Variants in PREX1 observed in about 807,000 individuals in gnomAD.
PREX1 encodes the protein phosphatidylinositol 3,4,5-trisphosphate-dependent Rac exchanger 1 protein.
A neutral mutation model predicts 198.3 loss-of-function variants in PREX1; 41 were observed. That is an observed-to-expected ratio of 0.21 (90% CI 0.16 to 0.27). The LOEUF (loss-of-function observed/expected upper bound fraction) is 0.27. Among genes scored for constraint, PREX1 ranks in the 10% least tolerant of loss-of-function variants. The pLI, the probability that PREX1 is intolerant of heterozygous loss-of-function variation, is 1.00. For synonymous variants in PREX1, 843 were observed against 887.2 expected (o/e 0.95, Z 0.89); for missense variants, 1,620 against 2,200.7 (o/e 0.74, Z 5.28).
At chr20:48,709,432 G>GTGACCT (rs1281650428) in intron 5 of PREX1, among the ~76,000 whole-genome samples, 1 of 152,226 alleles carries the variant, frequency 6.6e-6, no homozygotes, top group Non-Finnish European at 1.5e-5. Context: ...CACTGTCTGG[G>GTGACCT]TGACCTTGGG....
chr20:48,862,790 A>AAAAATATATATAT, the PREX1 span, among the ~76,000 whole-genome samples: 5 of 102,584 alleles, frequency 4.9e-5, no homozygotes, highest in African/African-American at 2.2e-4. Context: ...TAAAAAAAAA[A>AAAAATATATATAT]ATATATATAT....
chr20:48,649,677 G>A (rs543382316), intron 24 of PREX1, 101 bp from the exon 25 acceptor site: 108 of 1,344,962 alleles, frequency 8.0e-5, no homozygotes, highest in Admixed American at 5.2e-4. Flanking sequence ...CCCAATGAAG[G>A]AGAAAAATGT....
intron 11 of PREX1, among the ~76,000 whole-genome samples, chr20:48,680,053 CT>C (rs1472787282): frequency 6.6e-6 from 1 of 152,308 alleles, no homozygotes. Flanking sequence ...AGAAATGCCC[CT>C]GATCCAGCCT....
chr20:48,833,080 C>T, the PREX1 span, among the ~76,000 whole-genome samples: 133 of 152,312 alleles, frequency 8.7e-4, no homozygotes, highest in Non-Finnish European at 1.6e-3. Context: ...GCTTCAATAT[C>T]CATATCTGTA....
At chr20:48,653,246 C>T (rs1250478631) in intron 20 of PREX1, 115 bp downstream of exon 20, 1 of 1,469,530 alleles carries the variant, frequency 6.8e-7, no homozygotes, top group Non-Finnish European at 9.2e-7. Context: ...AGCAGCTCCA[C>T]CCTACTCACA....
At chr20:48,770,503 G>A (rs1277206025) in intron 1 of PREX1, among the ~76,000 whole-genome samples, 4 of 152,206 alleles carry the variant, frequency 2.6e-5, no homozygotes, top group Non-Finnish European at 5.9e-5. Context: ...CTGAGGTCAG[G>A]AGTTCGAGAC....
intron 15 of PREX1, among the ~76,000 whole-genome samples, chr20:48,664,243 C>T (rs184509997): frequency 2.0e-5 from 3 of 151,982 alleles, no homozygotes; most frequent in Admixed American, 6.5e-5. Flanking sequence ...GGTGTGGTGG[C>T]GGGTGCCTGC....
chr20:48,791,658 C>T (rs753653252), intron 1 of PREX1, among the ~76,000 whole-genome samples: 2 of 152,076 alleles, frequency 1.3e-5, no homozygotes, highest in Non-Finnish European at 2.9e-5. Flanking sequence ...AGAGGGGTGC[C>T]CAAGGTTCAG....
chr20:48,724,230 G>A (rs756149509), intron 5 of PREX1, among the ~76,000 whole-genome samples: 7 of 151,710 alleles, frequency 4.6e-5, no homozygotes, highest in Non-Finnish European at 5.9e-5. Context: ...TATCTACTAC[G>A]TGGCCTTGGA....
At chr20:48,683,688 C>T (rs1030055369) in intron 10 of PREX1, among the ~76,000 whole-genome samples, 4 of 152,154 alleles carry the variant, frequency 2.6e-5, no homozygotes, top group South Asian at 2.1e-4. Context: ...TGTTAGAAGA[C>T]GAACGCATCT....
chr20:48,825,308 G>A (rs914004328), intron 1 of PREX1, among the ~76,000 whole-genome samples: 1 of 152,140 alleles, frequency 6.6e-6, no homozygotes, highest in Non-Finnish European at 1.5e-5. Context: ...AAGGAAGCCC[G>A]GATTCCCCGC....
rs16993997 is a variant in PREX1, at chr20:48,642,225, C to T, written c.3718G>A (p.Val1240Ile). The part of the protein sequence containing the change: ...DSINALLKGP[V>I]MSRAFEETKH... The stretch of plus-strand genomic sequence containing the variant: ...GTCTCTTCGAAAGCCCGGCTCATGA[C>T]TGGCCCCTTGAGGAGAGCATTGATG... The change falls in exon 29 of 40, where the codon GTC becomes ATC. Residue 1240 changes from valine (V) to isoleucine (I), a missense_variant. Physicochemically the swap from Val to Ile is conservative, Grantham distance 29. Coordinates refer to ENST00000371941, the MANE Select transcript of PREX1 (RefSeq NM_020820.4). The T allele has an allele frequency of 0.19, 306,887 of 1,613,754 alleles. 30,833 individuals are homozygous for T. The highest frequency in any genetic ancestry group is 0.29 in the Middle Eastern group (1,779 of 6,058).
chr20:48,761,230 C>G (rs578082241), intron 1 of PREX1, among the ~76,000 whole-genome samples: 1 of 152,204 alleles, frequency 6.6e-6, no homozygotes, highest in Non-Finnish European at 1.5e-5. Flanking sequence ...ACAATCCTAT[C>G]GAAAACGTCT....
the PREX1 span, among the ~76,000 whole-genome samples, chr20:48,879,750 CAG>C: frequency 1.3e-5 from 2 of 152,224 alleles, no homozygotes; most frequent in African/African-American, 4.8e-5. Flanking sequence ...CTAAAAATGC[CAG>C]AGACATAATT....
rs1417040663 is a variant in PREX1, at chr20:48,796,481, C to G, written c.219+31161G>C. ...AACAAAAGGGGTACACCCAGACTAT[C>G]TGAAGGGGCCTGTATGACACCGGGG... On this transcript the variant is annotated intron_variant, in intron 1 of 39. Transcript: ENST00000371941. Among the ~76,000 whole-genome samples the G allele has an allele frequency of 3.3e-5, 5 of 152,218 alleles. No individual in the cohort carries two copies. The East Asian group carries it at 9.6e-4, about 29-fold the overall frequency.
the PREX1 span, among the ~76,000 whole-genome samples, chr20:48,874,869 CTG>C: frequency 1.7e-4 from 26 of 149,406 alleles, no homozygotes; most frequent in Admixed American, 2.7e-4. Flanking sequence ...GGGAGTGAAA[CTG>C]TGTCTCAAAA....
intron 1 of PREX1, among the ~76,000 whole-genome samples, chr20:48,770,149 T>C (rs1007706585): frequency 1.2e-4 from 18 of 152,230 alleles, no homozygotes; most frequent in Non-Finnish European, 1.9e-4. Flanking sequence ...GAGCCATCTC[T>C]AGGTCAGTGG....
chr20:48,852,785 C>T, the PREX1 span, among the ~76,000 whole-genome samples: 11 of 152,180 alleles, frequency 7.2e-5, no homozygotes, highest in African/African-American at 2.4e-4. Flanking sequence ...AGGGGACTAG[C>T]CCAATAAATT....
At chr20:48,644,151 T>A (rs1236286797) in intron 27 of PREX1, among the ~76,000 whole-genome samples, 1 of 152,216 alleles carries the variant, frequency 6.6e-6, no homozygotes, top group African/African-American at 2.4e-5. Context: ...TCCATCTCCA[T>A]GACATTCACG....
Sources: gnomAD v4.1 joint callset for allele counts (sites outside exome capture counted in the v4.1 genomes callset) on GRCh38, gnomAD v4.1.1 for gene constraint, MANE v1.5 for transcripts, NCBI Gene and HGNC (gene_info 2026-07-23, HGNC 2026-07-21) for gene names.